Variants in VPS26A observed in about 807,000 individuals in gnomAD.
The protein encoded by VPS26A is vacuolar protein sorting-associated protein 26A.
VPS26A carries 22 observed loss-of-function variants against 42.4 expected under a neutral mutation model. The observed-to-expected ratio is 0.52, with a 90% CI of 0.37 to 0.74. The LOEUF is 0.74. VPS26A is among the 30% of genes least tolerant of loss of function. The pLI, the probability that VPS26A is intolerant of heterozygous loss-of-function variation, is 0.00. For missense variants in VPS26A, 276 were observed against 379.2 expected, an observed-to-expected ratio of 0.73 and a Z score of 2.26; for synonymous variants, 110 against 123.5, an observed-to-expected ratio of 0.89 and a Z score of 0.73.
At chr10:69,149,748 T>TGAGATGGGG (rs1841254427) in intron 2 of VPS26A, among the ~76,000 whole-genome samples, 1 of 84,726 alleles carries the variant, frequency 1.2e-5, no homozygotes, top group Non-Finnish European at 2.9e-5. Context: ...TTTTTTTTTT[T>TGAGATGGGG]TTTTTTTTTT....
chr10:69,136,553 GCTA>G (rs1234522288), intron 2 of VPS26A, among the ~76,000 whole-genome samples: 1 of 152,028 alleles, frequency 6.6e-6, no homozygotes, highest in Admixed American at 6.6e-5. Flanking sequence ...ACAGGCGTGA[GCTA>G]CCATGGCTGG....
At chr10:69,154,713 T>G (rs1841392409) in intron 2 of VPS26A, among the ~76,000 whole-genome samples, 1 of 151,960 alleles carries the variant, frequency 6.6e-6, no homozygotes. Flanking sequence ...AAAAATTTTT[T>G]TAATTAGCTT....
chr10:69,132,827 A>G, intron 1 of VPS26A, 71 bp from the exon 2 acceptor site: 1 of 1,437,208 alleles, frequency 7.0e-7, no homozygotes, highest in South Asian at 1.4e-5. Context: ...TTCATAGGTA[A>G]TTAAATTCAA....
rs956023958 is a variant in VPS26A, at chr10:69,160,459, A to T, written c.552-1947A>T. ...AGGCATGAGCCACCGCGCCCAACAT[A>T]TTTTTTTTTTTTTGGAGTCGGAATC... On this transcript the variant is annotated intron_variant, in intron 5 of 8. Transcript: ENST00000263559. 3.0e-5 allele frequency among the ~76,000 whole-genome samples: 4 copies of T among 134,314 alleles called. No homozygotes were observed. The Admixed American group carries it at 3.1e-4, about 10-fold the overall frequency. 88.1% of individuals were successfully genotyped at this position (134,314 alleles called of 152,430 possible).
chr10:69,126,810 G>A (rs1840665246), intron 1 of VPS26A, among the ~76,000 whole-genome samples: 1 of 151,842 alleles, frequency 6.6e-6, no homozygotes, highest in Admixed American at 6.6e-5. Context: ...CTTTGAAAGA[G>A]AGACTTTGGG....
intron 1 of VPS26A, among the ~76,000 whole-genome samples, chr10:69,129,075 T>C (rs1029483501): frequency 6.6e-6 from 1 of 151,900 alleles, no homozygotes; most frequent in Non-Finnish European, 1.5e-5. Flanking sequence ...GTTATAAATG[T>C]GGATGTCATA....
chr10:69,161,615 C>A, intron 5 of VPS26A: 1 of 270,682 alleles, frequency 3.7e-6, no homozygotes. Context: ...TGCAAACAAC[C>A]ACTTTACGGG....
At chr10:69,155,770 C>T (rs1306422769) in intron 2 of VPS26A, 42 bp from the exon 3 acceptor site, 1 of 1,505,496 alleles carries the variant, frequency 6.6e-7, no homozygotes, top group Non-Finnish European at 9.2e-7. Context: ...TAGGCCCACT[C>T]ATAGGATTGT....
chr10:69,151,121 C>T (rs183448854), intron 2 of VPS26A, among the ~76,000 whole-genome samples: 354 of 151,562 alleles, frequency 2.3e-3, no homozygotes, highest in African/African-American at 7.8e-3. Context: ...AAAAATTATC[C>T]GGGCATGGTG....
chr10:69,169,683 A>G (rs1206118906), intron 8 of VPS26A, among the ~76,000 whole-genome samples: 1 of 151,492 alleles, frequency 6.6e-6, no homozygotes. Flanking sequence ...ATCTCAGCTC[A>G]CTGCAACCTT....
intron 2 of VPS26A, among the ~76,000 whole-genome samples, chr10:69,140,542 T>C (rs529980720): frequency 6.6e-6 from 1 of 151,950 alleles, no homozygotes; most frequent in South Asian, 2.1e-4. Flanking sequence ...CAATTATTAT[T>C]ATTATTATTT....
intron 6 of VPS26A, 87 bp from the exon 7 acceptor site, chr10:69,165,955 A>AT (rs1841678296): frequency 4.5e-6 from 6 of 1,326,320 alleles, no homozygotes; most frequent in Non-Finnish European, 4.2e-6. Flanking sequence ...CTAAAAAAAA[A>AT]TAATGTAGTG....
intron 7 of VPS26A, 64 bp from the exon 8 acceptor site, chr10:69,168,425 C>A: frequency 6.5e-7 from 1 of 1,548,130 alleles, no homozygotes; most frequent in South Asian, 1.2e-5. Context: ...AGTGCTTAGT[C>A]CTACCTGTTA....
At chr10:69,126,131 A>G (rs767238883) in intron 1 of VPS26A, among the ~76,000 whole-genome samples, 6 of 152,164 alleles carry the variant, frequency 3.9e-5, no homozygotes, top group Non-Finnish European at 7.3e-5. Context: ...GCCCTTGAAG[A>G]TATCTTTACC....
intron 5 of VPS26A, among the ~76,000 whole-genome samples, chr10:69,160,317 G>T (rs1473244437): frequency 6.6e-6 from 1 of 151,438 alleles, no homozygotes; most frequent in Non-Finnish European, 1.5e-5. Context: ...CTGCCACTAT[G>T]CCTGGCTAAT....
intron 2 of VPS26A, among the ~76,000 whole-genome samples, chr10:69,135,820 A>G (rs1399245970): frequency 6.6e-6 from 1 of 152,194 alleles, no homozygotes; most frequent in African/African-American, 2.4e-5. Context: ...ATAAATTATT[A>G]TAAGGCATAT....
rs554026165 is a variant in VPS26A at position 69,137,857 on chromosome 10, A to G, written c.153+4810A>G. ...TAGGATTTTTCTTTTTTTAAGCTGT[A>G]TTGAGATATATATATATATATATAT... On this transcript the variant is annotated intron_variant, in intron 2 of 8. Coordinates refer to ENST00000263559, the MANE Select transcript of VPS26A (RefSeq NM_004896.5). Among the ~76,000 whole-genome samples, 317 of 150,234 alleles carry G rather than the reference A, an allele frequency of 2.1e-3. 1 individual carries two copies. Among genetic ancestry groups the G allele is most frequent in the African/African-American group, 7.3e-3 (293 of 40,208 alleles).
Position 69,171,170 on chromosome 10 carries a change from G to A in VPS26A, c.885G>A (p.Trp295Ter). The A allele has an allele frequency of 6.2e-7, 1 of 1,611,042 alleles. No homozygotes were observed. Among genetic ancestry groups the A allele is most frequent in the Non-Finnish European group, 8.5e-7 (1 of 1,179,404 alleles). ...RYFKQQEIIL[W>*]RKAPEKLRKQ... The stretch of plus-strand genomic sequence containing the variant: ...TTGTTTACTAGGAGATAATTTTATG[G>A]AGAAAAGCTCCTGAAAAACTGAGGA... Residue 295 changes from tryptophan to a stop codon, truncating the protein, a stop_gained, in exon 9 of 9, where the codon TGG becomes TGA. Coordinates refer to ENST00000263559, the MANE Select transcript of VPS26A (RefSeq NM_004896.5). LOFTEE classifies it high-confidence loss of function.
chr10:69,139,032 C>T (rs1252898967), intron 2 of VPS26A, among the ~76,000 whole-genome samples: 1 of 152,104 alleles, frequency 6.6e-6, no homozygotes, highest in Non-Finnish European at 1.5e-5. Flanking sequence ...TATGTGCTTC[C>T]TTTCGCCCTC....
Sources: gnomAD v4.1 joint callset for allele counts (sites outside exome capture counted in the v4.1 genomes callset) on GRCh38, gnomAD v4.1.1 for gene constraint, MANE v1.5 for transcripts, NCBI Gene and HGNC (gene_info 2026-07-23, HGNC 2026-07-21) for gene names.